The following TAFAZZIN variants were observed in gnomAD, a reference collection of about 807,000 sequenced individuals.
The protein encoded by TAFAZZIN is tafazzin, phospholipid-lysophospholipid transacylase, also known as protein G4.5.
In TAFAZZIN, 6 loss-of-function variants were observed where a neutral mutation model predicts 27.3. The ratio of observed to expected loss-of-function variants is 0.22; its 90% CI spans 0.12 to 0.43. The LOEUF (loss-of-function observed/expected upper bound fraction) is 0.43, where lower values mean the gene tolerates loss of function less well. Ranked by LOEUF, TAFAZZIN falls within the 20% of genes least tolerant of loss-of-function variation. TAFAZZIN has a pLI of 1.00. For synonymous variants in TAFAZZIN, 79 were observed against 96.2 expected (o/e 0.82, Z 1.04); for missense variants, 127 against 244.5 (o/e 0.52, Z 3.21).
Position 154,412,226 on chromosome X carries a change from A to G in TAFAZZIN, c.238+12A>G, listed in dbSNP as rs2068332485. 8.4e-7 allele frequency: 1 copy of G among 1,192,877 alleles called. No homozygotes were observed. The highest frequency in any genetic ancestry group is 3.0e-5 in the East Asian group (1 of 33,219). On this transcript the variant is annotated intron_variant, in intron 2 of 10. Coordinates refer to ENST00000601016, the MANE Select transcript of TAFAZZIN (RefSeq NM_000116.5). ...CCCTCATCTCTGGGGTACCCGGGCC[A>G]GTGTGCTGGGCAGGGGGAGGAAAGG...
At chrX:154,419,794 T>C in intron 7 of TAFAZZIN, 48 bp downstream of exon 7, 1 of 1,205,231 alleles carries the variant, frequency 8.3e-7, no homozygotes, top group Non-Finnish European at 1.1e-6. Context: ...GGCCCAGAGA[T>C]GGCCCTGTGG....
At chrX:154,413,052 G>T in intron 2 of TAFAZZIN, 155 bp from the exon 3 acceptor site, 1 of 698,370 alleles carries the variant, frequency 1.4e-6, no homozygotes, top group Non-Finnish European at 2.2e-6. Flanking sequence ...GAGCCAGGGA[G>T]AACTGAATGA....
chrX:154,412,476 C>A (rs2068342580), intron 2 of TAFAZZIN: 1 of 391,184 alleles, frequency 2.6e-6, no homozygotes, highest in African/African-American at 2.5e-5. Flanking sequence ...TAACGTCAGG[C>A]CTCCAGAACC....
chrX:154,420,336 T>C (rs1000608589), intron 9 of TAFAZZIN, 72 bp downstream of exon 9: 35 of 1,134,882 alleles, frequency 3.1e-5, no homozygotes, highest in South Asian at 1.6e-4. Context: ...CTCAGCACTA[T>C]GGAGGCCAGC....
At chrX:154,414,041 GT>G (rs1244241748) in intron 4 of TAFAZZIN, 59 bp from the exon 5 acceptor site, 3 of 770,839 alleles carry the variant, frequency 3.9e-6, no homozygotes, top group African/African-American at 4.1e-5. Context: ...CTGGCCCAAG[GT>G]CATGGGGTAG....
rs782498694 is a variant in TAFAZZIN, at chrX:154,420,721, G to A, written c.763G>A (p.Glu255Lys). 7.4e-6 allele frequency: 9 copies of A among 1,209,238 alleles called. No individual in the cohort carries two copies. The highest frequency in any genetic ancestry group is 3.5e-5 in the African/African-American group (2 of 56,897). ...ALPVLERLRA[E>K]NKSAVEMRKA... ...GCCTGTACTCGAGCGGCTCCGGGCG[G>A]AGAACAAGTCGGCTGTGAGTTTCCT... The change falls in exon 10 of 11, where the codon GAG becomes AAG. Residue 255 changes from glutamate to lysine, a missense_variant. Glu to Lys is a moderately conservative substitution (Grantham distance 56). This residue lies in a region of TAFAZZIN where 31 missense variants were observed against 39.6 expected (regional missense o/e 0.78). Transcript: ENST00000601016.
At position 154,419,707 on chromosome X, in the gene TAFAZZIN, A is replaced by G; in HGVS notation, c.544A>G (p.Lys182Glu). Reference protein sequence around the residue: ...GDWVHIFPEGKVNMSSEFLRF... With the variant: ...GDWVHIFPEGEVNMSSEFLRF... The stretch of plus-strand genomic sequence containing the variant: ...TCGCCTCTGTGCTCTCTCACCAGGG[A>G]AAGTGAACATGAGTTCCGAATTCCT... The change falls in exon 7 of 11, where the codon AAA becomes GAA. Residue 182 changes from lysine to glutamate, a missense_variant and splice_region_variant. Physicochemically the swap from Lys to Glu is moderately conservative, Grantham distance 56. Around this residue, in one of 3 missense-constraint regions of TAFAZZIN, gnomAD observed 79 missense variants for 188.7 expected, o/e 0.42. Transcript: ENST00000601016. The G allele has an allele frequency of 1.6e-6, 2 of 1,212,335 alleles. No homozygotes were observed. The highest frequency in any genetic ancestry group is 2.2e-6 in the Non-Finnish European group (2 of 895,590).
chrX:154,412,416 G>T, intron 2 of TAFAZZIN: 1 of 517,728 alleles, frequency 1.9e-6, no homozygotes, highest in Non-Finnish European at 3.1e-6. Context: ...AGGGCCTTGG[G>T]CATGGAGCAG....
chrX:154,413,020 G>T (rs2068363148), intron 2 of TAFAZZIN, 187 bp from the exon 3 acceptor site: 1 of 532,662 alleles, frequency 1.9e-6, no homozygotes, highest in South Asian at 2.8e-5. Flanking sequence ...TTAGTAAGAT[G>T]TGGAGGGTGG....
rs2068385709 is a variant in TAFAZZIN, at chrX:154,413,469, T to A, written c.285-13T>A. The A allele has an allele frequency of 8.3e-7, 1 of 1,210,336 alleles. No homozygotes were observed. ...TGCAGGGGGCAGGACTAATTGCATCTGTCCCTGCTTAGGACCCCTGCAGCT... is the reference window on the plus strand; with the variant it reads ...TGCAGGGGGCAGGACTAATTGCATCAGTCCCTGCTTAGGACCCCTGCAGCT... On this transcript the variant is annotated splice_polypyrimidine_tract_variant and intron_variant, in intron 3 of 10. Transcript: ENST00000601016.
chrX:154,416,286 A>G (rs2068488800), intron 5 of TAFAZZIN, among the ~76,000 whole-genome samples: 2 of 111,186 alleles, frequency 1.8e-5, no homozygotes, highest in African/African-American at 6.5e-5. Flanking sequence ...AGTCCCAGCT[A>G]CTCGGGAGGC....
rs2068385523 is a variant in TAFAZZIN, at chrX:154,413,463, T to C, written c.285-19T>C. 4.1e-6 allele frequency: 5 copies of C among 1,209,420 alleles called. No homozygotes were observed. In the African/African-American group the frequency reaches 6.9e-5, roughly 17 times the overall value. On this transcript the variant is annotated intron_variant, in intron 3 of 10. Transcript: ENST00000601016. ...GCGGGGTGCAGGGGGCAGGACTAAT[T>C]GCATCTGTCCCTGCTTAGGACCCCT...
At chrX:154,412,241 G>A (rs1557191200) in intron 2 of TAFAZZIN, 27 bp downstream of exon 2, 8 of 1,186,021 alleles carry the variant, frequency 6.7e-6, no homozygotes, top group Non-Finnish European at 9.1e-6. Context: ...GCTGGGCAGG[G>A]GGAGGAAAGG....
Position 154,421,568 on chromosome X carries a change from A to T in TAFAZZIN, c.*564A>T, listed in dbSNP as rs1557194940. On this transcript the variant is annotated 3_prime_UTR_variant, in exon 11 of 11. Coordinates refer to ENST00000601016, the MANE Select transcript of TAFAZZIN (RefSeq NM_000116.5). The stretch of plus-strand genomic sequence containing the variant: ...CCAGAAGTCAAGCCCAGCCACGTGG[A>T]GCCTAGAGTGAGGGCCTGAGGTCTG... 3.0e-6 allele frequency: 1 copy of T among 330,490 alleles called. No individual in the cohort carries two copies. The highest frequency in any genetic ancestry group is 5.9e-6 in the Non-Finnish European group (1 of 170,202). The allele number at this position is 330,490 out of a possible 1,213,427, so 27.2% of individuals were successfully genotyped here.
At position 154,421,474 on chromosome X, in the gene TAFAZZIN, C is replaced by CG. The variant is rs2068627440; in HGVS notation, c.*470_*471insG. On this transcript the variant is annotated 3_prime_UTR_variant, in exon 11 of 11. Coordinates refer to ENST00000601016, the MANE Select transcript of TAFAZZIN (RefSeq NM_000116.5). ...CTTCCTTCTGCCTGAGCTTCCCCCC[C>CG]ACCACAGGCCCTTTCCTCAGGCAAG... The CG allele has an allele frequency of 6.1e-6, 2 of 330,462 alleles. No homozygotes were observed. The highest frequency in any genetic ancestry group is 5.3e-5 in the African/African-American group (2 of 37,959). 27.2% of individuals were successfully genotyped at this position (330,462 alleles called of 1,213,427 possible).
intron 5 of TAFAZZIN, among the ~76,000 whole-genome samples, chrX:154,414,943 C>T (rs2068440624): frequency 9.5e-6 from 1 of 105,118 alleles, no homozygotes; most frequent in Admixed American, 1.0e-4. Flanking sequence ...GAGCTGAGAT[C>T]CTGCCATTGC....
intron 3 of TAFAZZIN, 32 bp from the exon 4 acceptor site, chrX:154,413,450 G>A: frequency 8.3e-7 from 1 of 1,209,351 alleles, no homozygotes; most frequent in South Asian, 1.8e-5. Flanking sequence ...GGGGTGCAGG[G>A]GGCAGGACTA....
intron 5 of TAFAZZIN, among the ~76,000 whole-genome samples, chrX:154,416,118 G>A (rs2068483992): frequency 9.3e-6 from 1 of 107,493 alleles, no homozygotes; most frequent in Non-Finnish European, 1.9e-5. Flanking sequence ...AATTAGCCGA[G>A]GCTGGGCGCG....
chrX:154,421,141 G>A lies in TAFAZZIN; in HGVS notation c.*137G>A, dbSNP rs1557194671. The A allele has an allele frequency of 1.7e-6, 1 of 573,714 alleles. No individual in the cohort carries two copies. Among genetic ancestry groups the A allele is most frequent in the Non-Finnish European group, 2.9e-6 (1 of 341,184 alleles). The allele number at this position is 573,714 out of a possible 1,213,427, so 47.3% of individuals were successfully genotyped here. A position where few individuals can be genotyped will look rare whatever the true frequency, so the allele number is the denominator to read the frequency against. ...TCAAGTGCCCTCTCCGAGCTGGTAG[G>A]CATTCCAGCTCCTCCGTGCTTCCTC... On this transcript the variant is annotated 3_prime_UTR_variant, in exon 11 of 11. Coordinates refer to ENST00000601016, the MANE Select transcript of TAFAZZIN (RefSeq NM_000116.5).
Sources: gnomAD v4.1 joint callset for allele counts (sites outside exome capture counted in the v4.1 genomes callset) on GRCh38, gnomAD v4.1.1 for gene constraint, gnomAD v4.1.1 regional missense constraint, MANE v1.5 for transcripts, NCBI Gene and HGNC (gene_info 2026-07-23, HGNC 2026-07-21) for gene names.